RAD51B: variants seen among roughly 807,000 people sequenced by gnomAD.
RAD51B encodes the protein DNA repair protein RAD51 homolog 2.
In RAD51B, 38 loss-of-function variants were observed where a neutral mutation model predicts 42.2. That is an observed-to-expected ratio of 0.90 (90% CI 0.70 to 1.18). The LOEUF is 1.18. RAD51B is among the 50% of genes most tolerant of loss of function. RAD51B has a pLI of 0.00. For missense variants in RAD51B, 373 were observed against 400.7 expected, an observed-to-expected ratio of 0.93 and a Z score of 0.59; for synonymous variants, 154 against 145.2, an observed-to-expected ratio of 1.06 and a Z score of -0.43.
chr14:68,367,722 G>A (rs959656319), intron 8 of RAD51B, among the ~76,000 whole-genome samples: 14 of 152,150 alleles, frequency 9.2e-5, no homozygotes, highest in African/African-American at 3.1e-4. Flanking sequence ...GTGATTAATC[G>A]GCCCAGATAA....
chr14:68,294,657 C>T (rs1413405136), intron 8 of RAD51B, among the ~76,000 whole-genome samples: 1 of 152,176 alleles, frequency 6.6e-6, no homozygotes, highest in East Asian at 1.9e-4. Context: ...CATATAAGAT[C>T]ATGAGGTAGG....
At chr14:68,438,630 T>A (rs572454855) in intron 9 of RAD51B, among the ~76,000 whole-genome samples, 1 of 152,198 alleles carries the variant, frequency 6.6e-6, no homozygotes, top group East Asian at 1.9e-4. Flanking sequence ...CACCACTGTT[T>A]ATAGCACATC....
At chr14:68,566,062 G>T (rs1191973739) in intron 10 of RAD51B, among the ~76,000 whole-genome samples, 3 of 152,208 alleles carry the variant, frequency 2.0e-5, no homozygotes, top group Non-Finnish European at 4.4e-5. Context: ...ACTTCGCTGG[G>T]CCTTGTCACT....
intron 10 of RAD51B, among the ~76,000 whole-genome samples, chr14:68,539,394 C>A (rs1887828653): frequency 6.6e-6 from 1 of 152,172 alleles, no homozygotes; most frequent in Non-Finnish European, 1.5e-5. Context: ...CTCCTTGCCT[C>A]CAAGTCGCCA....
intron 7 of RAD51B, among the ~76,000 whole-genome samples, chr14:68,226,060 T>C (rs2080031785): frequency 6.6e-6 from 1 of 152,192 alleles, no homozygotes; most frequent in Non-Finnish European, 1.5e-5. Context: ...TAGAAGCTTC[T>C]TCATAGATGG....
At chr14:68,250,838 G>A (rs1451432335) in intron 7 of RAD51B, among the ~76,000 whole-genome samples, 1 of 152,198 alleles carries the variant, frequency 6.6e-6, no homozygotes, top group Non-Finnish European at 1.5e-5. Context: ...ATCAGAAAAT[G>A]CAAGACTGCC....
chr14:68,312,848 A>G (rs2081989157), intron 8 of RAD51B, among the ~76,000 whole-genome samples: 1 of 152,206 alleles, frequency 6.6e-6, no homozygotes, highest in African/African-American at 2.4e-5. Flanking sequence ...CATTGTTAGC[A>G]AAGTAGCCTG....
intron 7 of RAD51B, among the ~76,000 whole-genome samples, chr14:68,253,856 A>G (rs117414447): frequency 0.026 from 3,895 of 152,334 alleles, 89 homozygotes; most frequent in Middle Eastern, 0.078. Context: ...CTCACTAAAT[A>G]TATTGCTATA....
intron 8 of RAD51B, among the ~76,000 whole-genome samples, chr14:68,300,502 G>A (rs893975862): frequency 5.9e-5 from 9 of 152,094 alleles, no homozygotes; most frequent in African/African-American, 1.9e-4. Flanking sequence ...AAGCCACCAC[G>A]CCCAGCGCTC....
At chr14:68,344,194 G>A (rs1174603734) in intron 8 of RAD51B, among the ~76,000 whole-genome samples, 1 of 152,216 alleles carries the variant, frequency 6.6e-6, no homozygotes, top group Non-Finnish European at 1.5e-5. Flanking sequence ...TGGGCAGCTT[G>A]TATCCTGAGC....
chr14:68,299,791 A>C (rs1190170782), intron 8 of RAD51B, among the ~76,000 whole-genome samples: 2 of 152,226 alleles, frequency 1.3e-5, no homozygotes, highest in Non-Finnish European at 2.9e-5. Flanking sequence ...ATGACTATGT[A>C]TAAATAGGAA....
intron 7 of RAD51B, among the ~76,000 whole-genome samples, chr14:68,012,027 G>A (rs1027376881): frequency 6.6e-5 from 10 of 152,020 alleles, no homozygotes; most frequent in Admixed American, 1.3e-4. Flanking sequence ...TGGAGAAGCC[G>A]TTAGACCCTA....
intron 10 of RAD51B, among the ~76,000 whole-genome samples, chr14:68,504,143 C>T (rs1418646321): frequency 2.0e-5 from 3 of 152,092 alleles, no homozygotes; most frequent in Admixed American, 1.3e-4. Context: ...GCAATTCTCC[C>T]CAAGGCAAGC....
intron 10 of RAD51B, among the ~76,000 whole-genome samples, chr14:68,553,497 C>T (rs1457281436): frequency 6.6e-6 from 1 of 151,974 alleles, no homozygotes; most frequent in African/African-American, 2.4e-5. Flanking sequence ...CCATCTACTG[C>T]GAGCAAAGAG....
intron 7 of RAD51B, among the ~76,000 whole-genome samples, chr14:68,064,578 A>G (rs547549962): frequency 3.9e-5 from 6 of 151,904 alleles, no homozygotes; most frequent in Non-Finnish European, 7.4e-5. Context: ...TGGGATTCTC[A>G]TAGTATTAAT....
chr14:68,490,438 G>A (rs1269339502), intron 10 of RAD51B, among the ~76,000 whole-genome samples: 1 of 152,154 alleles, frequency 6.6e-6, no homozygotes, highest in East Asian at 1.9e-4. Context: ...GGTTTTAAAG[G>A]CAGAAACACT....
At chr14:68,384,397 C>G (rs532942178) in intron 8 of RAD51B, among the ~76,000 whole-genome samples, 42 of 152,302 alleles carry the variant, frequency 2.8e-4, no homozygotes, top group African/African-American at 9.6e-4. Flanking sequence ...GGCCTTGTTG[C>G]TAGCTGGCAC....
chr14:68,618,738 T>G (rs1423741337), intron 10 of RAD51B, among the ~76,000 whole-genome samples: 1 of 152,202 alleles, frequency 6.6e-6, no homozygotes, highest in Non-Finnish European at 1.5e-5. Context: ...GCCCTTAGCC[T>G]AGCCCTGACA....
chr14:68,671,675 T>C (rs1426522310), intron 11 of RAD51B, among the ~76,000 whole-genome samples: 1 of 152,166 alleles, frequency 6.6e-6, no homozygotes, highest in African/African-American at 2.4e-5. Flanking sequence ...CCGCCTTGTA[T>C]GTTCTGTTTC....
Sources: gnomAD v4.1 joint callset for allele counts (sites outside exome capture counted in the v4.1 genomes callset) on GRCh38, gnomAD v4.1.1 for gene constraint, MANE v1.5 for transcripts, NCBI Gene and HGNC (gene_info 2026-07-23, HGNC 2026-07-21) for gene names.